Variants in PCDHGA10 observed in about 807,000 individuals in gnomAD.
PCDHGA10 encodes the protein protocadherin gamma-A10.
PCDHGA10 carries 42 observed loss-of-function variants against 59.5 expected under a neutral mutation model. The ratio of observed to expected loss-of-function variants is 0.71; its 90% CI spans 0.55 to 0.91. PCDHGA10 has a LOEUF of 0.91. Among genes scored for constraint, PCDHGA10 ranks in the 40% least tolerant of loss-of-function variants. The probability of loss-of-function intolerance (pLI) is 0.00; values close to 1 mark genes in which losing one functional copy is unlikely to be tolerated. For synonymous variants in PCDHGA10, 511 were observed against 517.2 expected, an observed-to-expected ratio of 0.99 and a Z score of 0.16; for missense variants, 1,111 against 1,198.2, an observed-to-expected ratio of 0.93 and a Z score of 1.07.
rs70988802 is a variant in PCDHGA10 at position 141,450,006 on chromosome 5, C to CTA, written c.2436+34396_2436+34397insAT. ...CACATTGCATTTAGTTGCCATGTCT[C>CTA]TTTTTTTTTTTTTTTTTTGAGACAG... On this transcript the variant is annotated intron_variant, in intron 1 of 3. Coordinates refer to ENST00000398610, the MANE Select transcript of PCDHGA10 (RefSeq NM_018913.3). Among the ~76,000 whole-genome samples the CTA allele has an allele frequency of 6.0e-5, 8 of 132,986 alleles. 1 individual carries two copies. The highest frequency in any genetic ancestry group is 9.5e-5 in the Non-Finnish European group (6 of 62,926). The allele number at this position is 132,986 out of a possible 152,430, so 87.2% of individuals were successfully genotyped here. A position where few individuals can be genotyped will look rare whatever the true frequency, so the allele number is the denominator to read the frequency against.
chr5:141,480,390 T>C (rs753766736), intron 1 of PCDHGA10, among the ~76,000 whole-genome samples: 14 of 151,350 alleles, frequency 9.3e-5, no homozygotes, highest in Non-Finnish European at 1.9e-4. Flanking sequence ...ACTTCAACCA[T>C]GGCAATAGAG....
chr5:141,419,117 G>T (rs1362880648), intron 1 of PCDHGA10: 1 of 1,613,718 alleles, frequency 6.2e-7, no homozygotes, highest in African/African-American at 1.3e-5. Context: ...AGAGTACAAC[G>T]TCACCATCGC....
chr5:141,450,899 A>C (rs1045595271), intron 1 of PCDHGA10, among the ~76,000 whole-genome samples: 1 of 149,514 alleles, frequency 6.7e-6, no homozygotes, highest in Non-Finnish European at 1.5e-5. Context: ...ATATCGGCTC[A>C]CTGCAACCGC....
At chr5:141,418,572 A>G (rs777784393) in intron 1 of PCDHGA10, 5 of 1,613,794 alleles carry the variant, frequency 3.1e-6, no homozygotes, top group Non-Finnish European at 4.2e-6. Flanking sequence ...GCCAATGACA[A>G]CCCCCCAGTG....
chr5:141,423,053 T>C lies in PCDHGA10; in HGVS notation c.2436+7442T>C, dbSNP rs200154593. 1.4e-4 allele frequency: 219 copies of C among 1,614,170 alleles called. 1 individual carries two copies. The African/African-American group carries it at 2.5e-3, about 18-fold the overall frequency. ...CAGAACGCCTGGCTGTCCTATCGCCTGCTTAAGGCCAGCGAGCCGGGACTC... is the reference window on the plus strand; with the variant it reads ...CAGAACGCCTGGCTGTCCTATCGCCCGCTTAAGGCCAGCGAGCCGGGACTC... On this transcript the variant is annotated intron_variant, in intron 1 of 3. Coordinates refer to ENST00000398610, the MANE Select transcript of PCDHGA10 (RefSeq NM_018913.3).
At chr5:141,461,013 C>G (rs981329088) in intron 1 of PCDHGA10, among the ~76,000 whole-genome samples, 2 of 148,522 alleles carry the variant, frequency 1.3e-5, no homozygotes, top group Non-Finnish European at 3.0e-5. Flanking sequence ...ATATATATAC[C>G]ACATTTTCTT....
At chr5:141,418,912 ACT>A (rs1457793463) in intron 1 of PCDHGA10, 2 of 1,613,770 alleles carry the variant, frequency 1.2e-6, no homozygotes, top group Non-Finnish European at 1.7e-6. Flanking sequence ...TCATCACGTC[ACT>A]CTCTGATCAG....
At chr5:141,469,543 C>T (rs1031152008) in intron 1 of PCDHGA10, among the ~76,000 whole-genome samples, 1 of 152,040 alleles carries the variant, frequency 6.6e-6, no homozygotes, top group Non-Finnish European at 1.5e-5. Context: ...CCACTGCACT[C>T]CAGCCTGGCG....
At chr5:141,488,070 C>A (rs777154469) in intron 1 of PCDHGA10, among the ~76,000 whole-genome samples, 3 of 152,076 alleles carry the variant, frequency 2.0e-5, no homozygotes, top group Non-Finnish European at 1.5e-5. Context: ...TCTTTGTCTC[C>A]CAGTATCTAG....
chr5:141,485,060 G>C lies in PCDHGA10; in HGVS notation c.2437-9747G>C. ...ACCCTTGCGGCGCCGGCCGAACCGCGCCAGAGCTGGCGCGGGGAAAGGGAG... is the reference window on the plus strand; with the variant it reads ...ACCCTTGCGGCGCCGGCCGAACCGCCCCAGAGCTGGCGCGGGGAAAGGGAG... On this transcript the variant is annotated intron_variant, in intron 1 of 3. Transcript: ENST00000398610. This position sits in a 1 kb window ranked among gnomAD's most constrained non-coding sequence, Gnocchi z 5.7. 1 of 862,304 alleles carries C rather than the reference G, an allele frequency of 1.2e-6. No individual in the cohort carries two copies. The highest frequency in any genetic ancestry group is 1.9e-6 in the Non-Finnish European group (1 of 540,422). 53.4% of individuals were successfully genotyped at this position (862,304 alleles called of 1,614,324 possible).
intron 1 of PCDHGA10, among the ~76,000 whole-genome samples, chr5:141,469,739 A>G (rs1352751978): frequency 1.3e-5 from 2 of 152,262 alleles, no homozygotes; most frequent in African/African-American, 4.8e-5. Flanking sequence ...TACACACCTC[A>G]AAAATTACAA....
chr5:141,418,606 T>A (rs1279991875), intron 1 of PCDHGA10: 1 of 1,614,030 alleles, frequency 6.2e-7, no homozygotes. Context: ...TGTACAGGGT[T>A]AGCCTTCGGG....
In PCDHGA10 at chr5:141,487,765, GC is replaced by G. The variant is rs2099665397; in HGVS notation, c.2437-7041del. The G allele has an allele frequency of 6.5e-7, 1 of 1,541,774 alleles. No individual in the cohort carries two copies. Among genetic ancestry groups the G allele is most frequent in the South Asian group, 1.2e-5 (1 of 83,146 alleles). On this transcript the variant is annotated intron_variant, in intron 1 of 3. Transcript: ENST00000398610. This position sits in a 1 kb window ranked among gnomAD's most constrained non-coding sequence, Gnocchi z 5.0. ...GAGGTAACTATGTGGTAGACGCTGT[GC>G]TTTGTAACTGTTTCGTGAATTAACC...
chr5:141,425,881 A>T (rs911454948), intron 1 of PCDHGA10, among the ~76,000 whole-genome samples: 1 of 152,230 alleles, frequency 6.6e-6, no homozygotes, highest in Non-Finnish European at 1.5e-5. Flanking sequence ...TCTCTAAGGA[A>T]TCTTCTTTGG....
intron 2 of PCDHGA10, among the ~76,000 whole-genome samples, chr5:141,498,956 A>G (rs547381859): frequency 2.4e-5 from 3 of 124,058 alleles, no homozygotes; most frequent in African/African-American, 6.3e-5. Context: ...AAAAAGAGAG[A>G]GAGGGAGGGA....
Position 141,486,282 on chromosome 5 carries a change from C to G in PCDHGA10, c.2437-8525C>G. On this transcript the variant is annotated intron_variant, in intron 1 of 3. Transcript: ENST00000398610. This position sits in a 1 kb window ranked among gnomAD's most constrained non-coding sequence, Gnocchi z 5.0. ...AGTGCAGAACCTGGCACTGTGGTGG[C>G]ACTTATCAGTGTGCAGGATCCAGAC... The G allele has an allele frequency of 1.2e-6, 2 of 1,614,052 alleles. No homozygotes were observed. The highest frequency in any genetic ancestry group is 1.7e-6 in the Non-Finnish European group (2 of 1,179,992).
At position 141,491,744 on chromosome 5, in the gene PCDHGA10, C is replaced by T; in HGVS notation, c.2437-3063C>T. 6.3e-7 allele frequency: 1 copy of T among 1,592,720 alleles called. No individual in the cohort carries two copies. Among genetic ancestry groups the T allele is most frequent in the African/African-American group, 1.3e-5 (1 of 74,122 alleles). Reference sequence around the variant, plus strand: ...CCCCGGGCGACCCCTGGGGGCGGCACTGGAGAAGCCGCCCGTCCTCATAAG... The same window carrying T: ...CCCCGGGCGACCCCTGGGGGCGGCATTGGAGAAGCCGCCCGTCCTCATAAG... On this transcript the variant is annotated intron_variant, in intron 1 of 3. Transcript: ENST00000398610. The surrounding 1 kb of genome is among the most constrained non-coding windows in gnomAD (Gnocchi z 6.9).
chr5:141,433,032 C>G, intron 1 of PCDHGA10: 1 of 1,614,188 alleles, frequency 6.2e-7, no homozygotes, highest in Non-Finnish European at 8.5e-7. Context: ...CACGAGGTTT[C>G]CCTCACCACG....
intron 1 of PCDHGA10, among the ~76,000 whole-genome samples, chr5:141,466,613 C>T (rs772278295): frequency 1.2e-4 from 19 of 152,144 alleles, no homozygotes; most frequent in Non-Finnish European, 2.4e-4. Context: ...TGTAAACTGC[C>T]GTTTTCTTTG....
Sources: gnomAD v4.1 joint callset for allele counts (sites outside exome capture counted in the v4.1 genomes callset) on GRCh38, gnomAD v4.1.1 for gene constraint, Gnocchi (gnomAD v3.1) non-coding constraint, MANE v1.5 for transcripts, NCBI Gene and HGNC (gene_info 2026-07-23, HGNC 2026-07-21) for gene names.